Variants in RAP1GAP observed in about 807,000 individuals in gnomAD.
The protein encoded by RAP1GAP is RAP1 GTPase activating protein.
In RAP1GAP, 35 loss-of-function variants were observed where a neutral mutation model predicts 87.2. The observed-to-expected ratio is 0.40, with a 90% CI of 0.31 to 0.53. The LOEUF (loss-of-function observed/expected upper bound fraction) is 0.53, where lower values mean the gene tolerates loss of function less well. Among genes scored for constraint, RAP1GAP ranks in the 20% least tolerant of loss-of-function variants. The pLI, the probability that RAP1GAP is intolerant of heterozygous loss-of-function variation, is 0.48. For missense variants in RAP1GAP, 734 were observed against 898.9 expected, an observed-to-expected ratio of 0.82 and a Z score of 2.35; for synonymous variants, 375 against 363.9, an observed-to-expected ratio of 1.03 and a Z score of -0.35.
At chr1:21,666,453 CA>C (rs1419490388) in intron 1 of RAP1GAP, among the ~76,000 whole-genome samples, 2 of 152,174 alleles carry the variant, frequency 1.3e-5, no homozygotes, top group African/African-American at 2.4e-5. Context: ...TCAGAGACAG[CA>C]AAGGAGCAGC....
chr1:21,653,759 T>C (rs1364122627), intron 1 of RAP1GAP, among the ~76,000 whole-genome samples: 1 of 151,930 alleles, frequency 6.6e-6, no homozygotes, highest in Admixed American at 6.6e-5. Flanking sequence ...GCTATGAGGA[T>C]GTGCACAGTG....
At position 21,601,907 on chromosome 1, in the gene RAP1GAP, C is replaced by T. The variant is rs564221190; in HGVS notation, c.1539-110G>A. ...CACGGTGCCTCCTGCCTCATACCCA[C>T]GCCCCTATACTCAGGGCCAGCCCTG... On this transcript the variant is annotated intron_variant, in intron 19 of 24. Transcript: ENST00000374765. 7.7e-5 allele frequency: 53 copies of T among 691,630 alleles called. 1 individual carries two copies. The South Asian group carries it at 9.1e-4, about 12-fold the overall frequency. 42.8% of individuals were successfully genotyped at this position (691,630 alleles called of 1,614,324 possible). A position where few individuals can be genotyped will look rare whatever the true frequency, so the allele number is the denominator to read the frequency against.
intron 24 of RAP1GAP, 39 bp downstream of exon 24, chr1:21,597,647 C>G (rs1645848081): frequency 3.9e-6 from 6 of 1,525,798 alleles, no homozygotes; most frequent in African/African-American, 1.4e-5. Flanking sequence ...ACACCCCCAC[C>G]CTCTCCCACC....
intron 1 of RAP1GAP, among the ~76,000 whole-genome samples, chr1:21,660,135 T>A (rs2097061850): frequency 6.6e-6 from 1 of 151,058 alleles, no homozygotes; most frequent in South Asian, 2.1e-4. Flanking sequence ...AATCTCCCCA[T>A]CCTCACAAGC....
Position 21,635,209 on chromosome 1 carries a change from C to T in RAP1GAP, c.-112-8812G>A, listed in dbSNP as rs547298577. ...GGGCCAGGGTGACCTTCCCAGCACC[C>T]GTCAGCCCATACATGGTATTACAGC... is the stretch of plus-strand genomic sequence containing the variant. On this transcript the variant is annotated intron_variant, in intron 2 of 24. Transcript: ENST00000374765. Among the ~76,000 whole-genome samples the T allele has an allele frequency of 2.9e-4, 44 of 152,258 alleles. 1 individual carries two copies. The highest frequency in any genetic ancestry group is 8.7e-4 in the African/African-American group (36 of 41,552).
intron 7 of RAP1GAP, 118 bp downstream of exon 7, chr1:21,617,188 G>A (rs1365099127): frequency 2.5e-6 from 3 of 1,186,868 alleles, no homozygotes; most frequent in Non-Finnish European, 3.5e-6. Flanking sequence ...TTCACTCAGG[G>A]CTCTAGGACT....
At chr1:21,620,355 C>T (rs551188856) in intron 3 of RAP1GAP, among the ~76,000 whole-genome samples, 1 of 152,312 alleles carries the variant, frequency 6.6e-6, no homozygotes, top group East Asian at 1.9e-4. Context: ...TCCCCAAGTC[C>T]CAGCTGCAGA....
Position 21,634,570 on chromosome 1 carries a change from G to A in RAP1GAP, c.-112-8173C>T, listed in dbSNP as rs1289335287. 1.3e-5 allele frequency among the ~76,000 whole-genome samples: 2 copies of A among 152,216 alleles called. No individual in the cohort carries two copies. The highest frequency in any genetic ancestry group is 2.9e-5 in the Non-Finnish European group (2 of 68,030). On this transcript the variant is annotated intron_variant, in intron 2 of 24. Transcript: ENST00000374765. This position sits in a 1 kb window ranked among gnomAD's most constrained non-coding sequence, Gnocchi z 4.1. ...GACTCAGGCCCCAAGCTGGGCAGAG[G>A]GATGGGCAGGAAGGTGGCACATGGG... is the stretch of plus-strand genomic sequence containing the variant.
In RAP1GAP at chr1:21,609,135, A is replaced by C. The variant is rs2076627610; in HGVS notation, c.1072-199T>G. On this transcript the variant is annotated intron_variant, in intron 15 of 24. Coordinates refer to ENST00000374765, the MANE Select transcript of RAP1GAP (RefSeq NM_002885.4). This position sits in a 1 kb window ranked among gnomAD's most constrained non-coding sequence, Gnocchi z 4.4. ...CCTTCAAGGGGCCCCAGTGCCCTTC[A>C]TGGCTGCCCACGCCTTCGGGAGAGC... is the stretch of plus-strand genomic sequence containing the variant. 6.6e-6 allele frequency among the ~76,000 whole-genome samples: 1 copy of C among 152,128 alleles called. No individual in the cohort carries two copies. Among genetic ancestry groups the C allele is most frequent in the Admixed American group, 6.5e-5 (1 of 15,280 alleles).
intron 7 of RAP1GAP, 77 bp downstream of exon 7, chr1:21,617,229 C>T (rs918015768): frequency 6.7e-5 from 100 of 1,485,802 alleles, no homozygotes; most frequent in Non-Finnish European, 8.5e-5. Flanking sequence ...GGGTTCTGCT[C>T]CCTCCCAGGC....
chr1:21,628,819 CAG>C (rs895392254), intron 2 of RAP1GAP, among the ~76,000 whole-genome samples: 11 of 151,324 alleles, frequency 7.3e-5, no homozygotes, highest in African/African-American at 2.2e-4. Context: ...ACCTGGGAGG[CAG>C]AGTTTGCAGT....
At position 21,603,224 on chromosome 1, in the gene RAP1GAP, C is replaced by T. The variant is rs2148813809; in HGVS notation, c.1429-311G>A. Reference sequence around the variant, plus strand: ...TCCTCAGAATGGCTACCGCTCCCCGCCCCCCAGGGCTCTGTGGGATCTGCA... The same window carrying T: ...TCCTCAGAATGGCTACCGCTCCCCGTCCCCCAGGGCTCTGTGGGATCTGCA... On this transcript the variant is annotated intron_variant, in intron 18 of 24. Coordinates refer to ENST00000374765, the MANE Select transcript of RAP1GAP (RefSeq NM_002885.4). This position sits in a 1 kb window ranked among gnomAD's most constrained non-coding sequence, Gnocchi z 6.0. 1 of 404,648 alleles carries T rather than the reference C, an allele frequency of 2.5e-6. No homozygotes were observed. Among genetic ancestry groups the T allele is most frequent in the Non-Finnish European group, 4.5e-6 (1 of 223,802 alleles). 25.1% of individuals were successfully genotyped at this position (404,648 alleles called of 1,614,324 possible). A position where few individuals can be genotyped will look rare whatever the true frequency, so the allele number is the denominator to read the frequency against.
intron 1 of RAP1GAP, chr1:21,665,363 C>A (rs765393205): frequency 4.1e-5 from 17 of 411,236 alleles, no homozygotes; most frequent in Middle Eastern, 3.5e-4. Context: ...CTCACCTCCT[C>A]ATCTGACACA....
intron 7 of RAP1GAP, 51 bp downstream of exon 7, chr1:21,617,255 C>A (rs1436379054): frequency 1.9e-6 from 3 of 1,540,822 alleles, no homozygotes; most frequent in Admixed American, 3.9e-5. Flanking sequence ...TCGAATGGGG[C>A]TGAACTGTGA....
At chr1:21,666,147 C>T (rs1195390987) in intron 1 of RAP1GAP, among the ~76,000 whole-genome samples, 1 of 152,202 alleles carries the variant, frequency 6.6e-6, no homozygotes, top group Non-Finnish European at 1.5e-5. Context: ...GCATGTCTGC[C>T]CTGGAGGCCT....
At position 21,610,201 on chromosome 1, in the gene RAP1GAP, G is replaced by C. The variant is rs145287604; in HGVS notation, c.918C>G (p.Pro306=). ...VFQDENTPFV[P]DMIASNFLHA... ...GCAGGAAGTTGGACGCGATCATGTC[G>C]GGCACGAAAGGAGTGTTCTCATCCT... is the stretch of plus-strand genomic sequence containing the variant. The change falls in exon 14 of 25, where the codon CCC becomes CCG. Residue 306 remains proline (P), a synonymous_variant. Coordinates refer to ENST00000374765, the MANE Select transcript of RAP1GAP (RefSeq NM_002885.4). 2 of 1,614,020 alleles carry C rather than the reference G, an allele frequency of 1.2e-6. No homozygotes were observed. The highest frequency in any genetic ancestry group is 1.3e-5 in the African/African-American group (1 of 74,922).
intron 17 of RAP1GAP, among the ~76,000 whole-genome samples, chr1:21,607,823 C>T (rs1046034850): frequency 7.2e-5 from 11 of 152,084 alleles, no homozygotes; most frequent in African/African-American, 2.7e-4. Context: ...CCACTTCGAG[C>T]CCCGCCCTCA....
intron 1 of RAP1GAP, among the ~76,000 whole-genome samples, chr1:21,658,941 C>T (rs1571472863): frequency 7.6e-5 from 10 of 132,408 alleles, no homozygotes; most frequent in South Asian, 2.4e-4. Context: ...ATGAAGAACG[C>T]TTTTTTTTTT....
chr1:21,659,862 C>T (rs2097047514), intron 1 of RAP1GAP, among the ~76,000 whole-genome samples: 1 of 152,138 alleles, frequency 6.6e-6, no homozygotes, highest in African/African-American at 2.4e-5. Flanking sequence ...AATCATCTTC[C>T]CCATTTCACA....
Sources: gnomAD v4.1 joint callset for allele counts (sites outside exome capture counted in the v4.1 genomes callset) on GRCh38, gnomAD v4.1.1 for gene constraint, Gnocchi (gnomAD v3.1) non-coding constraint, MANE v1.5 for transcripts, NCBI Gene and HGNC (gene_info 2026-07-23, HGNC 2026-07-21) for gene names.